The following SKP1 variants were observed in gnomAD, a reference collection of about 807,000 sequenced individuals.
The protein encoded by SKP1 is S-phase kinase associated protein 1.
SKP1 carries 1 observed loss-of-function variant against 21.5 expected under a neutral mutation model. The observed-to-expected ratio is 0.05, with a 90% CI of 0.02 to 0.22. SKP1 has a LOEUF of 0.22. Ranked by LOEUF, SKP1 falls within the 10% of genes least tolerant of loss-of-function variation. The pLI is 1.00. For missense variants in SKP1, 70 were observed against 192.0 expected, an observed-to-expected ratio of 0.36 and a Z score of 3.76; for synonymous variants, 59 against 59.3, an observed-to-expected ratio of 0.99 and a Z score of 0.03.
At chr5:134,158,112 T>G in intron 5 of SKP1, 1 of 1,401,912 alleles carries the variant, frequency 7.1e-7, no homozygotes, top group East Asian at 3.1e-5. Flanking sequence ...TAAGTTGCTC[T>G]AAAGTACCCT....
chr5:134,151,917 C>T lies in SKP1; in HGVS notation c.*5816G>A. On this transcript the variant is annotated 3_prime_UTR_variant, in exon 6 of 6. Coordinates refer to ENST00000353411, the MANE Select transcript of SKP1 (RefSeq NM_170679.3). The stretch of plus-strand genomic sequence containing the variant: ...ACACTTTTCGGCCACCACTAATGAT[C>T]ATCTCCACTGATGCCTCAGCAGAAA... 1 of 311,402 alleles carries T rather than the reference C, an allele frequency of 3.2e-6. No homozygotes were observed. Among genetic ancestry groups the T allele is most frequent in the South Asian group, 2.6e-5 (1 of 38,258 alleles). The allele number at this position is 311,402 out of a possible 1,614,324, so 19.3% of individuals were successfully genotyped here.
intron 2 of SKP1, 123 bp downstream of exon 2, chr5:134,173,803 G>A: frequency 2.8e-6 from 2 of 722,376 alleles, no homozygotes; most frequent in East Asian, 2.7e-5. Context: ...AGAAAAAAAT[G>A]TAAACTTTAC....
intron 5 of SKP1, chr5:134,158,060 A>AAC (rs568521410): frequency 3.4e-6 from 5 of 1,453,118 alleles, no homozygotes; most frequent in Non-Finnish European, 3.7e-6. Flanking sequence ...TAGTCATGTC[A>AAC]ACAAAATCAT....
At chr5:134,169,854 A>G (rs988561561) in intron 2 of SKP1, among the ~76,000 whole-genome samples, 7 of 152,210 alleles carry the variant, frequency 4.6e-5, no homozygotes, top group African/African-American at 1.7e-4. Flanking sequence ...ACAAAAAACT[A>G]GCCGGGTGTG....
intron 2 of SKP1, among the ~76,000 whole-genome samples, chr5:134,172,571 T>TAA (rs11458283): frequency 0.097 from 13,836 of 142,392 alleles, 846 homozygotes; most frequent in African/African-American, 0.16. Flanking sequence ...AAAGCTTGTT[T>TAA]AAAAAAAAAA....
At chr5:134,161,213 G>T in intron 3 of SKP1, 83 bp from the exon 4 acceptor site, 1 of 1,229,866 alleles carries the variant, frequency 8.1e-7, no homozygotes, top group Non-Finnish European at 1.1e-6. Flanking sequence ...TCCCTATATT[G>T]GAATAATAAC....
chr5:134,173,118 AG>A (rs1377953589), intron 2 of SKP1, among the ~76,000 whole-genome samples: 4 of 151,948 alleles, frequency 2.6e-5, no homozygotes, highest in African/African-American at 9.7e-5. Context: ...GGATCACCTG[AG>A]GTCGGGAGTC....
chr5:134,160,918 G>T, intron 4 of SKP1, 69 bp downstream of exon 4: 1 of 1,098,072 alleles, frequency 9.1e-7, no homozygotes, highest in Non-Finnish European at 1.3e-6. Flanking sequence ...AATGAAGTTA[G>T]CAAATTTAAA....
chr5:134,163,212 CAAAA>C (rs747546593), intron 3 of SKP1, among the ~76,000 whole-genome samples: 2 of 70,108 alleles, frequency 2.9e-5, no homozygotes, highest in African/African-American at 6.9e-5. Flanking sequence ...GCGATTCTGT[CAAAA>C]AAAAAAAAAA....
rs1013121283 is a variant in SKP1 at position 134,154,512 on chromosome 5, A to G, written c.*3221T>C. ...GGGGGCACATCTTTAGCCTATGACA[A>G]TGTTAAGGAGAAAATAATAAGCTAA... is the stretch of plus-strand genomic sequence containing the variant. On this transcript the variant is annotated 3_prime_UTR_variant, in exon 6 of 6. Transcript: ENST00000353411. The G allele has an allele frequency of 3.3e-5, 5 of 151,894 alleles. No individual in the cohort carries two copies. The highest frequency in any genetic ancestry group is 1.9e-4 in the East Asian group (1 of 5,180). 9.4% of individuals were successfully genotyped at this position (151,894 alleles called of 1,614,324 possible).
chr5:134,165,427 C>T (rs970261188), intron 3 of SKP1, among the ~76,000 whole-genome samples: 5 of 148,870 alleles, frequency 3.4e-5, no homozygotes. Context: ...CTCATCTCTA[C>T]AAAAATAAAA....
At chr5:134,162,610 C>A (rs1390099087) in intron 3 of SKP1, among the ~76,000 whole-genome samples, 1 of 151,478 alleles carries the variant, frequency 6.6e-6, no homozygotes, top group Non-Finnish European at 1.5e-5. Flanking sequence ...TGGTCTCGAA[C>A]TCCTGACCTC....
rs954640412 is a variant in SKP1, at chr5:134,156,259, G to C, written c.*1474C>G. On this transcript the variant is annotated 3_prime_UTR_variant, in exon 6 of 6. Coordinates refer to ENST00000353411, the MANE Select transcript of SKP1 (RefSeq NM_170679.3). ...ATCTCCTGAGAGAGAGAGAGAGAGA[G>C]AGAGAGAATTTTAAATAACTCTTTA... 3 of 152,136 alleles carry C rather than the reference G, an allele frequency of 2.0e-5. No homozygotes were observed. The highest frequency in any genetic ancestry group is 4.8e-5 in the African/African-American group (2 of 41,420). 9.4% of individuals were successfully genotyped at this position (152,136 alleles called of 1,614,324 possible).
Position 134,152,582 on chromosome 5 carries a change from G to A in SKP1, c.*5151C>T, listed in dbSNP as rs1401608589. 6.6e-6 allele frequency: 1 copy of A among 152,198 alleles called. No individual in the cohort carries two copies. Among genetic ancestry groups the A allele is most frequent in the Non-Finnish European group, 1.5e-5 (1 of 68,086 alleles). 9.4% of individuals were successfully genotyped at this position (152,198 alleles called of 1,614,324 possible). On this transcript the variant is annotated 3_prime_UTR_variant, in exon 6 of 6. Coordinates refer to ENST00000353411, the MANE Select transcript of SKP1 (RefSeq NM_170679.3). ...GAAACGGAGTCTCGCTCTGTCGCCA[G>A]GCTGGACTGCAGTCAGTGGCGTGAT...
intron 3 of SKP1, among the ~76,000 whole-genome samples, chr5:134,163,147 T>C (rs1761249486): frequency 7.1e-6 from 1 of 140,874 alleles, no homozygotes; most frequent in Non-Finnish European, 1.5e-5. Flanking sequence ...CCCAGGAGGC[T>C]GAGGCTGTAG....
intron 2 of SKP1, among the ~76,000 whole-genome samples, chr5:134,172,636 A>G (rs1435832355): frequency 6.6e-6 from 1 of 151,518 alleles, no homozygotes; most frequent in Non-Finnish European, 1.5e-5. Flanking sequence ...TCTTCCCAGT[A>G]CTTTGGGGTG....
At chr5:134,174,436 G>C (rs1384507671) in intron 1 of SKP1, 37 of 966,246 alleles carry the variant, frequency 3.8e-5, no homozygotes, top group Non-Finnish European at 4.1e-5. Context: ...AAATAAGATA[G>C]AAATTTTCCC....
chr5:134,167,120 T>C (rs759102623), intron 3 of SKP1, 50 bp downstream of exon 3: 7 of 860,282 alleles, frequency 8.1e-6, no homozygotes, highest in African/African-American at 3.4e-5. Context: ...TATTAATCAA[T>C]TGGTGTTATA....
chr5:134,158,746 T>C, intron 4 of SKP1, 151 bp from the exon 5 acceptor site: 2 of 683,278 alleles, frequency 2.9e-6, no homozygotes, highest in Non-Finnish European at 4.9e-6. Flanking sequence ...AGTTCTTCTG[T>C]GAAAGACTTT....
Sources: allele counts gnomAD v4.1 joint callset (sites outside exome capture counted in the v4.1 genomes callset), GRCh38; gene constraint gnomAD v4.1.1; transcripts MANE v1.5; gene names NCBI Gene and HGNC (gene_info 2026-07-23, HGNC 2026-07-21).